CDH2: variants seen among roughly 807,000 people sequenced by gnomAD.
The protein encoded by CDH2 is cadherin 2, also known as cadherin-2.
A neutral mutation model predicts 92.0 loss-of-function variants in CDH2; 17 were observed. That is an observed-to-expected ratio of 0.18 (90% CI 0.13 to 0.28). The LOEUF (loss-of-function observed/expected upper bound fraction) is 0.28, where lower values mean the gene tolerates loss of function less well. Among genes scored for constraint, CDH2 ranks in the 10% least tolerant of loss-of-function variants. The pLI, the probability that CDH2 is intolerant of heterozygous loss-of-function variation, is 1.00. For missense variants in CDH2, 862 were observed against 1,133.1 expected, an observed-to-expected ratio of 0.76 and a Z score of 3.44; for synonymous variants, 419 against 415.9, an observed-to-expected ratio of 1.01 and a Z score of -0.09.
intron 4 of CDH2, among the ~76,000 whole-genome samples, chr18:28,011,255 A>ATT (rs763486850): frequency 6.6e-6 from 1 of 151,476 alleles, no homozygotes; most frequent in South Asian, 2.1e-4. Context: ...AAATATCTGC[A>ATT]TTTTTTTTCT....
At chr18:28,149,815 A>T (rs141260958) in intron 1 of CDH2, among the ~76,000 whole-genome samples, 14 of 152,352 alleles carry the variant, frequency 9.2e-5, no homozygotes, top group African/African-American at 3.4e-4. Flanking sequence ...TAAAATGTAA[A>T]GATCCGCATA....
intron 13 of CDH2, among the ~76,000 whole-genome samples, chr18:27,984,746 A>T (rs2012169071): frequency 6.6e-6 from 1 of 152,224 alleles, no homozygotes; most frequent in East Asian, 1.9e-4. Context: ...CTAAGCAATA[A>T]GCATGAGAAA....
chr18:27,936,133 A>G (rs528240864), intron 6 of CDH2, among the ~76,000 whole-genome samples: 1 of 152,244 alleles, frequency 6.6e-6, no homozygotes, highest in African/African-American at 2.4e-5. Flanking sequence ...TTAGACTTAC[A>G]CTAATGAACA....
At chr18:28,106,443 T>C (rs1789465) in intron 2 of CDH2, among the ~76,000 whole-genome samples, 1 of 150,026 alleles carries the variant, frequency 6.7e-6, no homozygotes, top group South Asian at 2.1e-4. Context: ...AAAAGTGTTA[T>C]ATCTATGTTA....
chr18:28,017,120 C>A (rs1011466919), intron 2 of CDH2, among the ~76,000 whole-genome samples: 1 of 152,046 alleles, frequency 6.6e-6, no homozygotes, highest in African/African-American at 2.4e-5. Flanking sequence ...TAGGGTGATA[C>A]CGGCTTCACA....
At chr18:28,007,400 C>T (rs531456305) in intron 5 of CDH2, among the ~76,000 whole-genome samples, 3 of 151,352 alleles carry the variant, frequency 2.0e-5, no homozygotes, top group African/African-American at 7.3e-5. Flanking sequence ...TTCTTTTGGA[C>T]TGGAATGCTT....
Position 27,992,814 on chromosome 18 carries a change from C to T in CDH2, c.1185G>A (p.Arg395=), listed in dbSNP as rs1406453412. The T allele has an allele frequency of 3.1e-6, 5 of 1,613,492 alleles. No individual in the cohort carries two copies. Among genetic ancestry groups the T allele is most frequent in the Non-Finnish European group, 4.2e-6 (5 of 1,179,742 alleles). The part of the protein sequence containing the change: ...MTFYGEVPEN[R]VDIIVANLTV... ...TTAGATTAGCTACTATGATGTCTAC[C>T]CTGTTCTCAGGAACTTCACCATAAA... is the stretch of plus-strand genomic sequence containing the variant. The change falls in exon 9 of 16, where the codon AGG becomes AGA. Residue 395 remains arginine (R), a synonymous_variant. Transcript: ENST00000269141.
chr18:28,000,739 T>G (rs1284511869), intron 7 of CDH2, among the ~76,000 whole-genome samples: 2 of 152,156 alleles, frequency 1.3e-5, no homozygotes, highest in African/African-American at 4.8e-5. Context: ...GAATTAAAAC[T>G]AAATTTTTAA....
chr18:28,005,756 C>G (rs2012898017), intron 6 of CDH2, 93 bp downstream of exon 6: 1 of 766,406 alleles, frequency 1.3e-6, no homozygotes, highest in Middle Eastern at 2.5e-4. Flanking sequence ...TCCAAAAAGC[C>G]TCATATGATT....
chr18:27,998,021 T>A (rs945238013), intron 7 of CDH2, among the ~76,000 whole-genome samples: 5 of 152,062 alleles, frequency 3.3e-5, no homozygotes, highest in African/African-American at 1.2e-4. Flanking sequence ...TTAGCCAGGA[T>A]GGTCTCCATC....
intron 7 of CDH2, among the ~76,000 whole-genome samples, chr18:27,994,397 T>C (rs1013952661): frequency 5.9e-5 from 9 of 152,188 alleles, no homozygotes; most frequent in Admixed American, 1.3e-4. Context: ...TAGACAGGCA[T>C]CCACTACTTT....
chr18:28,075,047 GTA>G (rs2014693070), intron 2 of CDH2, among the ~76,000 whole-genome samples: 1 of 152,126 alleles, frequency 6.6e-6, no homozygotes, highest in South Asian at 2.1e-4. Flanking sequence ...TGTTAACAGA[GTA>G]TCCTATTAAT....
At chr18:28,018,269 T>C (rs998092444) in intron 2 of CDH2, among the ~76,000 whole-genome samples, 20 of 151,714 alleles carry the variant, frequency 1.3e-4, no homozygotes, top group Non-Finnish European at 2.5e-4. Context: ...ACCATGCTCA[T>C]GGATGGGTGG....
At chr18:28,112,072 G>C (rs922618020) in intron 2 of CDH2, among the ~76,000 whole-genome samples, 2 of 152,156 alleles carry the variant, frequency 1.3e-5, no homozygotes, top group Non-Finnish European at 2.9e-5. Flanking sequence ...ACAATTAGCT[G>C]TTAACAGTTA....
At position 28,013,571 on chromosome 18, in the gene CDH2, A is replaced by C. The variant is rs185523699; in HGVS notation, c.399+112T>G. On this transcript the variant is annotated intron_variant, in intron 3 of 15. Transcript: ENST00000269141. ...TTATTAAAATGACCAAAGTTGATAC[A>C]AATGCAAATAGTGGCCATCCATTAA... 45 of 749,094 alleles carry C rather than the reference A, an allele frequency of 6.0e-5. 1 individual carries two copies. In the Admixed American group the frequency reaches 6.4e-4, roughly 11 times the overall value. The allele number at this position is 749,094 out of a possible 1,614,324, so 46.4% of individuals were successfully genotyped here.
chr18:28,029,128 G>A (rs1055969553), intron 2 of CDH2, among the ~76,000 whole-genome samples: 1 of 152,024 alleles, frequency 6.6e-6, no homozygotes, highest in Non-Finnish European at 1.5e-5. Flanking sequence ...TAGTAGGGAA[G>A]ATATTCTTCC....
intron 2 of CDH2, among the ~76,000 whole-genome samples, chr18:28,053,170 C>T (rs1385144858): frequency 6.6e-6 from 1 of 152,078 alleles, no homozygotes; most frequent in Non-Finnish European, 1.5e-5. Flanking sequence ...TTGTTTAAGC[C>T]ATGCAGCCTG....
rs201462293 is a variant in CDH2 at position 28,147,748 on chromosome 18, T to C, written c.97A>G (p.Lys33Glu). The stretch of plus-strand genomic sequence containing the variant: ...TAAACATCTTCAGGAAATCCAGTCT[T>C]GCATAATGCGATTTCACCAGAAGCC... ...VEASGEIALC[K>E]TGFPEDVYSA... Residue 33 changes from lysine (K) to glutamate (E), a missense_variant, in exon 2 of 16, where the codon AAG (lysine) becomes GAG (glutamate). Physicochemically the swap from Lys to Glu is moderately conservative, Grantham distance 56 (BLOSUM62 1). This residue lies in a region of CDH2 where 159 missense variants were observed against 177.2 expected (regional missense o/e 0.90). Transcript: ENST00000269141. 3.0e-5 allele frequency: 49 copies of C among 1,612,384 alleles called. No homozygotes were observed. The highest frequency in any genetic ancestry group is 3.7e-5 in the Non-Finnish European group (44 of 1,179,386).
chr18:28,113,143 G>A (rs1397936848), intron 2 of CDH2, among the ~76,000 whole-genome samples: 1 of 152,140 alleles, frequency 6.6e-6, no homozygotes, highest in Non-Finnish European at 1.5e-5. Flanking sequence ...GACAGTGGAA[G>A]TATGAGGTAA....
Sources: gnomAD v4.1 joint callset for allele counts (sites outside exome capture counted in the v4.1 genomes callset) on GRCh38, gnomAD v4.1.1 for gene constraint, gnomAD v4.1.1 regional missense constraint, MANE v1.5 for transcripts, NCBI Gene and HGNC (gene_info 2026-07-23, HGNC 2026-07-21) for gene names.